Variants in ASPSCR1 observed in about 807,000 individuals in gnomAD.
ASPSCR1 encodes tether containing UBX domain for GLUT4.
Under a neutral mutation model 68.9 loss-of-function variants are expected in ASPSCR1, and 55 were observed. The observed-to-expected ratio is 0.80, with a 90% CI of 0.64 to 1.00. The LOEUF (loss-of-function observed/expected upper bound fraction) is 1.00. Among genes scored for constraint, ASPSCR1 ranks in the 50% least tolerant of loss-of-function variants. The pLI, the probability that ASPSCR1 is intolerant of heterozygous loss-of-function variation, is 0.00. For synonymous variants in ASPSCR1, 352 were observed against 332.6 expected (o/e 1.06, Z -0.63); for missense variants, 765 against 762.2 (o/e 1.00, Z -0.04).
rs964834705 is a variant in ASPSCR1 at position 81,986,839 on chromosome 17, G to A, written c.374+1232G>A. 1.3e-5 allele frequency among the ~76,000 whole-genome samples: 2 copies of A among 152,206 alleles called. No individual in the cohort carries two copies. The highest frequency in any genetic ancestry group is 2.1e-4 in the South Asian group (1 of 4,826). On this transcript the variant is annotated intron_variant, in intron 4 of 15. Transcript: ENST00000306739. The surrounding 1 kb of genome is among the most constrained non-coding windows in gnomAD (Gnocchi z 5.2). Reference sequence around the variant, plus strand: ...ACAGTAGTGCCGCGCTGCATGGCACGGGTGTTGCGTTCGTGGGTGAGAGCG... The same window carrying A: ...ACAGTAGTGCCGCGCTGCATGGCACAGGTGTTGCGTTCGTGGGTGAGAGCG...
In ASPSCR1 at chr17:81,979,134, C is replaced by T. The variant is rs143135376; in HGVS notation, c.103-50C>T. 522 of 1,603,070 alleles carry T rather than the reference C, an allele frequency of 3.3e-4. No homozygotes were observed. The African/African-American group carries it at 6.5e-3, about 20-fold the overall frequency. ...CTTGGCTGACCTGGCCCACTGCGCC[C>T]GCCAGCCCTGCACACTCAGCAGTTC... On this transcript the variant is annotated intron_variant, in intron 1 of 15. Transcript: ENST00000306739.
chr17:82,010,830 G>A lies in ASPSCR1; in HGVS notation c.1199G>A (p.Arg400His), dbSNP rs753927778. Residue 400 changes from arginine to histidine, a missense_variant, in exon 10 of 16, where the codon CGC (arginine) becomes CAC (histidine). Arg to His is a conservative substitution (Grantham distance 29). Transcript: ENST00000306739. ...KVALRVLFPDRYVLQGFFRPS... is the reference protein window; with the variant it reads ...KVALRVLFPDHYVLQGFFRPS... ...GCTCTGAGGGTCCTGTTCCCCGACC[G>A]CTACGTCCTACAGGGCTTCTTCCGC... 1.2e-5 allele frequency: 20 copies of A among 1,613,000 alleles called. No homozygotes were observed. Among genetic ancestry groups the A allele is most frequent in the Admixed American group, 3.3e-5 (2 of 60,008 alleles).
chr17:82,010,898 G>C, intron 10 of ASPSCR1, 30 bp downstream of exon 10: 2 of 1,605,086 alleles, frequency 1.2e-6, no homozygotes, highest in Non-Finnish European at 1.7e-6. Flanking sequence ...GTCCGGGGAT[G>C]GGGGGCAGGG....
chr17:81,995,862 G>C, intron 5 of ASPSCR1, 130 bp from the exon 6 acceptor site: 7 of 852,322 alleles, frequency 8.2e-6, no homozygotes, highest in Non-Finnish European at 1.1e-5. Context: ...GCCAGATGTG[G>C]GGGGTGGGTA....
intron 4 of ASPSCR1, among the ~76,000 whole-genome samples, chr17:81,991,703 G>A (rs61124385): frequency 4.7e-4 from 71 of 152,208 alleles, no homozygotes; most frequent in Non-Finnish European, 6.3e-4. Flanking sequence ...GCCGCTTGGC[G>A]GCTGGGCTGT....
chr17:81,988,783 C>T (rs190449204), intron 4 of ASPSCR1, among the ~76,000 whole-genome samples: 1 of 152,318 alleles, frequency 6.6e-6, no homozygotes, highest in Admixed American at 6.5e-5. Context: ...GGGCATCTGG[C>T]TGTGTCTCAG....
chr17:81,983,005 G>A lies in ASPSCR1; in HGVS notation c.159-549G>A, dbSNP rs1262773917. Among the ~76,000 whole-genome samples, 2 of 152,102 alleles carry A rather than the reference G, an allele frequency of 1.3e-5. No individual in the cohort carries two copies. Among genetic ancestry groups the A allele is most frequent in the Non-Finnish European group, 2.9e-5 (2 of 68,016 alleles). On this transcript the variant is annotated intron_variant, in intron 2 of 15. Transcript: ENST00000306739. This position sits in a 1 kb window ranked among gnomAD's most constrained non-coding sequence, Gnocchi z 4.4. ...ATTTTTTTGTATTTTTAGTAGAGATGGGATATTTTTGTATTTTCAGTAGAG... is the reference window on the plus strand; with the variant it reads ...ATTTTTTTGTATTTTTAGTAGAGATAGGATATTTTTGTATTTTCAGTAGAG...
At chr17:82,013,330 C>T (rs536342274) in intron 12 of ASPSCR1, 1 of 152,394 alleles carries the variant, frequency 6.6e-6, no homozygotes, top group East Asian at 1.9e-4. Flanking sequence ...AGGCCTGCAG[C>T]CCACCCTCCC....
chr17:81,996,356 CG>C lies in ASPSCR1; in HGVS notation c.507-61del, dbSNP rs2042338487. Reference sequence around the variant, plus strand: ...GGGGCGGGAGAGGGTGAGCCTGGGCCGGGAGAGGGTGAGCCGGGGGTAGGCA... The same window carrying C: ...GGGGCGGGAGAGGGTGAGCCTGGGCCGGAGAGGGTGAGCCGGGGGTAGGCA... On this transcript the variant is annotated intron_variant, in intron 6 of 15. Coordinates refer to ENST00000306739, the MANE Select transcript of ASPSCR1 (RefSeq NM_024083.4). The C allele has an allele frequency of 2.3e-5, 35 of 1,523,906 alleles. No homozygotes were observed. In the South Asian group the frequency reaches 4.2e-4, roughly 18 times the overall value. The allele number at this position is 1,523,906 out of a possible 1,614,324, so 94.4% of individuals were successfully genotyped here. A position where few individuals can be genotyped will look rare whatever the true frequency, so the allele number is the denominator to read the frequency against.
rs2042362527 is a variant in ASPSCR1, at chr17:81,996,863, G to A, written c.933+17G>A. The A allele has an allele frequency of 6.4e-7, 1 of 1,565,598 alleles. No homozygotes were observed. The highest frequency in any genetic ancestry group is 8.6e-7 in the Non-Finnish European group (1 of 1,159,380). On this transcript the variant is annotated intron_variant, in intron 7 of 15. Coordinates refer to ENST00000306739, the MANE Select transcript of ASPSCR1 (RefSeq NM_024083.4). ...CGGGAGCGGGTAAAAGGGGCTCTAG[G>A]CCTTGGGACTTGGGGGTGTCCTTTC...
intron 12 of ASPSCR1, 100 bp from the exon 13 acceptor site, chr17:82,016,376 G>A: frequency 9.1e-7 from 1 of 1,096,938 alleles, no homozygotes; most frequent in Non-Finnish European, 1.3e-6. Flanking sequence ...GAGCCTGTCT[G>A]AGGGTGGAGC....
Position 81,977,676 on chromosome 17 carries a change from C to T in ASPSCR1, c.30C>T (p.Ser10=), listed in dbSNP as rs918371322. The change falls in exon 1 of 16, where the codon TCC becomes TCT. Residue 10 remains serine (S), a synonymous_variant. Coordinates refer to ENST00000306739, the MANE Select transcript of ASPSCR1 (RefSeq NM_024083.4). This position sits in a 1 kb window ranked among gnomAD's most constrained non-coding sequence, Gnocchi z 5.0. MAAPAGGGG[S]AVSVLAPNGR... Reference sequence around the variant, plus strand: ...CGGCCCCGGCAGGCGGCGGAGGCTCCGCGGTGTCGGTGCTGGCCCCGAACG... The same window carrying T: ...CGGCCCCGGCAGGCGGCGGAGGCTCTGCGGTGTCGGTGCTGGCCCCGAACG... The T allele has an allele frequency of 1.7e-5, 24 of 1,399,234 alleles. No homozygotes were observed. Among genetic ancestry groups the T allele is most frequent in the Non-Finnish European group, 2.1e-5 (23 of 1,072,168 alleles). The allele number at this position is 1,399,234 out of a possible 1,614,324, so 86.7% of individuals were successfully genotyped here. A position where few individuals can be genotyped will look rare whatever the true frequency, so the allele number is the denominator to read the frequency against.
At chr17:81,982,197 G>C (rs558966959) in intron 2 of ASPSCR1, among the ~76,000 whole-genome samples, 1 of 152,326 alleles carries the variant, frequency 6.6e-6, no homozygotes, top group East Asian at 1.9e-4. Context: ...TCAAACTCCT[G>C]ACCTCAAGTG....
intron 1 of ASPSCR1, chr17:81,978,139 A>C: frequency 6.4e-6 from 1 of 157,460 alleles, no homozygotes; most frequent in African/African-American, 2.4e-5. Context: ...GCGGTGGCAG[A>C]TGTCCCGGCC....
chr17:82,014,191 C>T (rs554664815), intron 12 of ASPSCR1: 28 of 152,436 alleles, frequency 1.8e-4, no homozygotes, highest in African/African-American at 5.8e-4. Context: ...GCCTGCTGGG[C>T]GCCCGCCCCT....
chr17:82,011,422 G>A (rs1188440940), intron 10 of ASPSCR1, 121 bp from the exon 11 acceptor site: 5 of 956,274 alleles, frequency 5.2e-6, no homozygotes, highest in Non-Finnish European at 7.7e-6. Context: ...GGAGGAACAG[G>A]GCTGAATTCC....
intron 4 of ASPSCR1, among the ~76,000 whole-genome samples, chr17:81,988,748 G>A (rs1215308168): frequency 2.0e-5 from 3 of 152,168 alleles, no homozygotes; most frequent in Non-Finnish European, 4.4e-5. Context: ...CTCTTCCGTC[G>A]TGTGGGTGTC....
intron 12 of ASPSCR1, chr17:82,016,116 G>A (rs964477927): frequency 4.1e-5 from 11 of 269,620 alleles, no homozygotes; most frequent in Non-Finnish European, 6.4e-5. Context: ...ACCCCTCCAC[G>A]GTGGTCCCGG....
rs1409203945 is a variant in ASPSCR1, at chr17:81,990,602, G to A, written c.375-4219G>A. Among the ~76,000 whole-genome samples the A allele has an allele frequency of 6.6e-6, 1 of 152,106 alleles. No homozygotes were observed. The highest frequency in any genetic ancestry group is 2.4e-5 in the African/African-American group (1 of 41,418). On this transcript the variant is annotated intron_variant, in intron 4 of 15. Transcript: ENST00000306739. The surrounding 1 kb of genome is among the most constrained non-coding windows in gnomAD (Gnocchi z 4.1). ...CGAGCTCTGGGGGACACTGCTCTCTGCCTGCCTGGTGGGCCTGTGTCTAGT... is the reference window on the plus strand; with the variant it reads ...CGAGCTCTGGGGGACACTGCTCTCTACCTGCCTGGTGGGCCTGTGTCTAGT...
Sources: gnomAD v4.1 joint callset for allele counts (sites outside exome capture counted in the v4.1 genomes callset) on GRCh38, gnomAD v4.1.1 for gene constraint, Gnocchi (gnomAD v3.1) non-coding constraint, MANE v1.5 for transcripts, NCBI Gene and HGNC (gene_info 2026-07-23, HGNC 2026-07-21) for gene names.